MSI2: variants seen among roughly 807,000 people sequenced by gnomAD.
The protein encoded by MSI2 is RNA-binding protein Musashi homolog 2.
In MSI2, 17 loss-of-function variants were observed where a neutral mutation model predicts 45.6. The ratio of observed to expected loss-of-function variants is 0.37; its 90% confidence interval spans 0.26 to 0.56. MSI2 has a LOEUF of 0.56. Among genes scored for constraint, MSI2 ranks in the 20% least tolerant of loss-of-function variants. MSI2 has a pLI of 0.77. For missense variants in MSI2, 293 were observed against 444.2 expected (o/e 0.66, Z 3.06); for synonymous variants, 156 against 158.2 (o/e 0.99, Z 0.11).
intron 7 of MSI2, among the ~76,000 whole-genome samples, chr17:57,562,901 C>T (rs2144257335): frequency 6.6e-6 from 1 of 152,032 alleles, no homozygotes; most frequent in South Asian, 2.1e-4. Flanking sequence ...AGTTCGAGAC[C>T]AGCCTGACCA....
chr17:57,431,370 C>G (rs1301218480), intron 6 of MSI2, among the ~76,000 whole-genome samples: 1 of 152,194 alleles, frequency 6.6e-6, no homozygotes, highest in Non-Finnish European at 1.5e-5. Context: ...CAGGGAATGT[C>G]CTTAGATGTT....
chr17:57,443,980 A>C (rs544037508), intron 6 of MSI2, among the ~76,000 whole-genome samples: 1 of 152,146 alleles, frequency 6.6e-6, no homozygotes, highest in African/African-American at 2.4e-5. Flanking sequence ...CAGGAATTGC[A>C]GCTGACATCC....
chr17:57,596,978 G>GGGGCATTCCATTTCA lies in MSI2; in HGVS notation c.537+29_537+30insGGCATTCCATTTCAG. ...AAGTGTGTAGGGGTTGCGCTGAAAT[G>GGGGCATTCCATTTCA]GAATGCCCCCTTTCTCTACGTACAC... On this transcript the variant is annotated intron_variant, in intron 8 of 13. Transcript: ENST00000284073. This position sits in a 1 kb window ranked among gnomAD's most constrained non-coding sequence, Gnocchi z 4.6. 2 of 1,501,808 alleles carry GGGGCATTCCATTTCA rather than the reference G, an allele frequency of 1.3e-6. No individual in the cohort carries two copies. Among genetic ancestry groups the GGGGCATTCCATTTCA allele is most frequent in the Non-Finnish European group, 1.9e-6 (2 of 1,078,018 alleles). 93.0% of individuals were successfully genotyped at this position (1,501,808 alleles called of 1,614,324 possible).
In MSI2 at chr17:57,684,016, G is replaced by T. The variant is rs1470337875; in HGVS notation, c.*4499G>T. The T allele has an allele frequency of 4.4e-6, 1 of 228,516 alleles. No individual in the cohort carries two copies. The highest frequency in any genetic ancestry group is 5.7e-5 in the Admixed American group (1 of 17,620). 14.2% of individuals were successfully genotyped at this position (228,516 alleles called of 1,614,324 possible). A position where few individuals can be genotyped will look rare whatever the true frequency, so the allele number is the denominator to read the frequency against. ...CATCCCTCTTGTCGGGGACCTGCAG[G>T]GGGGCAACCTTAATCCAAACACCTG... On this transcript the variant is annotated 3_prime_UTR_variant, in exon 14 of 14. Coordinates refer to ENST00000284073, the MANE Select transcript of MSI2 (RefSeq NM_138962.4).
chr17:57,596,496 G>T lies in MSI2; in HGVS notation c.455-372G>T, dbSNP rs74364822. On this transcript the variant is annotated intron_variant, in intron 7 of 13. Transcript: ENST00000284073. This position sits in a 1 kb window ranked among gnomAD's most constrained non-coding sequence, Gnocchi z 4.6. ...CTGGCCAGGGCTGCTCGCGGAAAGG[G>T]CAAGCGTGGCCCCGCAGTGATCCAC... Among the ~76,000 whole-genome samples, 6,525 of 152,314 alleles carry T rather than the reference G, an allele frequency of 0.043. 186 individuals are homozygous for T. The highest frequency in any genetic ancestry group is 0.059 in the Non-Finnish European group (4,026 of 68,014).
At chr17:57,595,136 T>C (rs1040053041) in intron 7 of MSI2, among the ~76,000 whole-genome samples, 13 of 152,144 alleles carry the variant, frequency 8.5e-5, no homozygotes, top group African/African-American at 2.9e-4. Flanking sequence ...AAGATGGTGA[T>C]GTTAGAGTTG....
intron 7 of MSI2, among the ~76,000 whole-genome samples, chr17:57,594,458 T>G (rs1012623111): frequency 2.6e-5 from 4 of 152,206 alleles, no homozygotes; most frequent in East Asian, 1.9e-4. Context: ...CCCAGTAGGG[T>G]GAGCTGAATG....
At chr17:57,360,949 C>T (rs555761480) in intron 5 of MSI2, among the ~76,000 whole-genome samples, 54 of 152,236 alleles carry the variant, frequency 3.5e-4, no homozygotes, top group South Asian at 1.2e-3. Context: ...TTAATTCTGA[C>T]GGTTATAACT....
At chr17:57,393,277 A>G (rs1358060511) in intron 5 of MSI2, among the ~76,000 whole-genome samples, 1 of 152,236 alleles carries the variant, frequency 6.6e-6, no homozygotes, top group Non-Finnish European at 1.5e-5. Flanking sequence ...GAGATGCTGA[A>G]CTATTGAGTA....
chr17:57,615,101 G>A (rs542800331), intron 8 of MSI2, among the ~76,000 whole-genome samples: 63 of 151,674 alleles, frequency 4.2e-4, no homozygotes, highest in African/African-American at 1.5e-3. Flanking sequence ...TGTTGGGGAG[G>A]GCTTTCAGCA....
intron 5 of MSI2, among the ~76,000 whole-genome samples, chr17:57,273,658 TG>T (rs1368982872): frequency 6.6e-6 from 1 of 152,190 alleles, no homozygotes; most frequent in Admixed American, 6.5e-5. Context: ...CTTAGCATGT[TG>T]TGATTGCCTT....
chr17:57,348,270 G>A (rs1031215156), intron 5 of MSI2, among the ~76,000 whole-genome samples: 1 of 152,178 alleles, frequency 6.6e-6, no homozygotes, highest in Non-Finnish European at 1.5e-5. Context: ...GGCAGGCAGG[G>A]AGTGATGGAT....
chr17:57,313,306 T>A (rs1392758492), intron 5 of MSI2, among the ~76,000 whole-genome samples: 1 of 152,196 alleles, frequency 6.6e-6, no homozygotes, highest in Non-Finnish European at 1.5e-5. Flanking sequence ...ATAAAACACG[T>A]CCACACTCGG....
chr17:57,272,422 C>T (rs924457925), intron 5 of MSI2, among the ~76,000 whole-genome samples: 1 of 152,176 alleles, frequency 6.6e-6, no homozygotes, highest in Non-Finnish European at 1.5e-5. Context: ...TCAATATTCT[C>T]ATTTCTGAAA....
intron 5 of MSI2, among the ~76,000 whole-genome samples, chr17:57,392,611 G>A (rs2083815132): frequency 6.6e-6 from 1 of 152,190 alleles, no homozygotes; most frequent in Non-Finnish European, 1.5e-5. Flanking sequence ...TATACAGGGA[G>A]GGAGAACTTG....
chr17:57,555,539 C>G (rs1317111933), intron 7 of MSI2, among the ~76,000 whole-genome samples: 2 of 152,140 alleles, frequency 1.3e-5, no homozygotes, highest in African/African-American at 2.4e-5. Flanking sequence ...CATATTAACC[C>G]CTACCCACCT....
At chr17:57,257,959 A>C (rs907466647) in intron 3 of MSI2, among the ~76,000 whole-genome samples, 1 of 152,202 alleles carries the variant, frequency 6.6e-6, no homozygotes, top group Non-Finnish European at 1.5e-5. Flanking sequence ...TTTCTTCGGA[A>C]TAAAACAAAG....
intron 6 of MSI2, among the ~76,000 whole-genome samples, chr17:57,454,652 G>A (rs1727813420): frequency 6.6e-6 from 1 of 152,072 alleles, no homozygotes; most frequent in South Asian, 2.1e-4. Flanking sequence ...GGCCAGCATG[G>A]TCTCGATCTC....
At position 57,257,452 on chromosome 17, in the gene MSI2, T is replaced by A; in HGVS notation, c.104-14T>A. On this transcript the variant is annotated splice_polypyrimidine_tract_variant and intron_variant, in intron 2 of 13. Coordinates refer to ENST00000284073, the MANE Select transcript of MSI2 (RefSeq NM_138962.4). Reference sequence around the variant, plus strand: ...TTCTCTCCCCCCCCCATCTCTCTCTTTCTCTCTCTACAGATAGCCTTAGAG... The same window carrying A: ...TTCTCTCCCCCCCCCATCTCTCTCTATCTCTCTCTACAGATAGCCTTAGAG... 7.3e-7 allele frequency: 1 copy of A among 1,379,180 alleles called. No individual in the cohort carries two copies. The highest frequency in any genetic ancestry group is 2.3e-5 in the East Asian group (1 of 43,252). 85.4% of individuals were successfully genotyped at this position (1,379,180 alleles called of 1,614,324 possible). A position where few individuals can be genotyped will look rare whatever the true frequency, so the allele number is the denominator to read the frequency against.
Sources: gnomAD v4.1 joint callset for allele counts (sites outside exome capture counted in the v4.1 genomes callset) on GRCh38, gnomAD v4.1.1 for gene constraint, Gnocchi (gnomAD v3.1) non-coding constraint, MANE v1.5 for transcripts, NCBI Gene and HGNC (gene_info 2026-07-23, HGNC 2026-07-21) for gene names.